RTL4: variants seen among roughly 807,000 people sequenced by gnomAD.
RTL4 encodes retrotransposon Gag-like protein 4.
RTL4 carries 4 observed loss-of-function variants against 5.3 expected under a neutral mutation model. The observed-to-expected ratio is 0.75, with a 90% confidence interval of 0.37 to 1.72. The LOEUF is 1.72. Among genes scored for constraint, RTL4 ranks in the 40% most tolerant of loss-of-function variants. The pLI, the probability that RTL4 is intolerant of heterozygous loss-of-function variation, is 0.04. For synonymous variants in RTL4, 98 were observed against 87.3 expected (o/e 1.12, Z -0.68); for missense variants, 260 against 227.1 (o/e 1.14, Z -0.93).
the RTL4 span, among the ~76,000 whole-genome samples, chrX:112,404,889 T>C: frequency 8.9e-6 from 1 of 112,156 alleles, no homozygotes; most frequent in Non-Finnish European, 1.9e-5. Context: ...CTAATAGTAA[T>C]CTTGACATAG....
the RTL4 span, among the ~76,000 whole-genome samples, chrX:112,094,817 A>C: frequency 1.7e-4 from 19 of 111,724 alleles, no homozygotes; most frequent in Admixed American, 1.2e-3. Context: ...AGGGTTAATA[A>C]CACAATGGTG....
chrX:112,198,833 C>T, the RTL4 span, among the ~76,000 whole-genome samples: 9 of 110,739 alleles, frequency 8.1e-5, no homozygotes, highest in African/African-American at 2.6e-4. Context: ...TGGAGAAATG[C>T]GGAGTGTCAT....
the RTL4 span, among the ~76,000 whole-genome samples, chrX:112,240,612 A>C: frequency 8.9e-6 from 1 of 112,035 alleles, no homozygotes; most frequent in Non-Finnish European, 1.9e-5. Flanking sequence ...GTTTCTACTA[A>C]GCACATATTG....
the RTL4 span, among the ~76,000 whole-genome samples, chrX:112,398,689 G>A: frequency 9.0e-6 from 1 of 111,217 alleles, no homozygotes; most frequent in Non-Finnish European, 1.9e-5. Context: ...GTGAGCCACC[G>A]CACCTGGCCT....
chrX:112,130,954 C>T, the RTL4 span, among the ~76,000 whole-genome samples: 8 of 107,004 alleles, frequency 7.5e-5, no homozygotes, highest in African/African-American at 1.4e-4. Context: ...CCACCATGCC[C>T]GGCTAATTTT....
the RTL4 span, among the ~76,000 whole-genome samples, chrX:112,098,872 CA>C: frequency 8.9e-6 from 1 of 111,996 alleles, no homozygotes; most frequent in Non-Finnish European, 1.9e-5. Flanking sequence ...ACACCTTATA[CA>C]AAAATTAATT....
At chrX:112,172,887 C>T in the RTL4 span, among the ~76,000 whole-genome samples, 3 of 109,946 alleles carry the variant, frequency 2.7e-5, no homozygotes, top group African/African-American at 1.0e-4. Context: ...CCATTATCCT[C>T]AGCAAACTAA....
chrX:112,280,863 T>C, the RTL4 span, among the ~76,000 whole-genome samples: 3 of 111,184 alleles, frequency 2.7e-5, no homozygotes, highest in Admixed American at 9.6e-5. Context: ...TATTTATTTA[T>C]TTATTTTTCA....
chrX:112,106,699 A>G, the RTL4 span, among the ~76,000 whole-genome samples: 1 of 111,280 alleles, frequency 9.0e-6, no homozygotes, highest in Non-Finnish European at 1.9e-5. Flanking sequence ...TTTTTTTGCT[A>G]ATAGCCCTCT....
At chrX:112,157,504 G>A in the RTL4 span, among the ~76,000 whole-genome samples, 1,167 of 111,314 alleles carry the variant, frequency 0.01, 13 homozygotes, top group African/African-American at 0.035. Flanking sequence ...CAGCTCGTCT[G>A]CTCTCGTTTC....
the RTL4 span, among the ~76,000 whole-genome samples, chrX:112,200,413 G>A: frequency 8.9e-6 from 1 of 111,924 alleles, no homozygotes; most frequent in Admixed American, 9.5e-5. Flanking sequence ...ATTATCATGT[G>A]TCCCCAGAGG....
chrX:112,450,612 A>C (rs1926719121), upstream of RTL4, among the ~76,000 whole-genome samples: 1 of 111,652 alleles, frequency 9.0e-6, no homozygotes, highest in South Asian at 3.8e-4. Context: ...ATTGCCACTG[A>C]CAACAGTGTC....
chrX:112,177,387 T>C, the RTL4 span, among the ~76,000 whole-genome samples: 1 of 111,534 alleles, frequency 9.0e-6, no homozygotes, highest in South Asian at 3.8e-4. Flanking sequence ...GGTGAGGTCA[T>C]ACCCCATAGT....
the RTL4 span, among the ~76,000 whole-genome samples, chrX:112,114,099 T>G: frequency 2.7e-5 from 3 of 111,330 alleles, no homozygotes; most frequent in Non-Finnish European, 5.7e-5. Flanking sequence ...GATACGGGAG[T>G]GTATTTTTCT....
the RTL4 span, among the ~76,000 whole-genome samples, chrX:112,164,323 T>C: frequency 3.6e-5 from 4 of 112,196 alleles, no homozygotes; most frequent in Non-Finnish European, 7.5e-5. Context: ...TTCCTAAAAA[T>C]GGTAGTTTCG....
chrX:112,254,392 C>T, the RTL4 span, among the ~76,000 whole-genome samples: 5 of 108,779 alleles, frequency 4.6e-5, no homozygotes, highest in Admixed American at 9.8e-5. Flanking sequence ...TGCAGTGGTG[C>T]GACCTCAGCT....
the RTL4 span, among the ~76,000 whole-genome samples, chrX:112,161,771 G>A: frequency 3.7e-3 from 404 of 109,520 alleles, no homozygotes; most frequent in African/African-American, 0.013. Flanking sequence ...TAGGCCTTGG[G>A]CTTGCCAGGT....
the RTL4 span, among the ~76,000 whole-genome samples, chrX:112,155,417 C>T: frequency 1.3e-4 from 15 of 111,220 alleles, no homozygotes; most frequent in African/African-American, 3.6e-4. Flanking sequence ...TTGCACTGAG[C>T]GAGGTCTGAG....
At chrX:112,283,016 G>T in the RTL4 span, among the ~76,000 whole-genome samples, 1 of 111,485 alleles carries the variant, frequency 9.0e-6, no homozygotes, top group South Asian at 3.7e-4. Context: ...GTTTGGAAAC[G>T]TAAGTACTTG....
Sources: gnomAD v4.1 joint callset for allele counts (sites outside exome capture counted in the v4.1 genomes callset) on GRCh38, gnomAD v4.1.1 for gene constraint, MANE v1.5 for transcripts, NCBI Gene and HGNC (gene_info 2026-07-23, HGNC 2026-07-21) for gene names.